The following SCHIP1 variants were observed in gnomAD, a reference collection of about 807,000 sequenced individuals.
The protein encoded by SCHIP1 is schwannomin-interacting protein 1.
Under a neutral mutation model 29.7 loss-of-function variants are expected in SCHIP1, and 8 were observed. The observed-to-expected ratio is 0.27, with a 90% confidence interval of 0.16 to 0.49. The LOEUF (loss-of-function observed/expected upper bound fraction) is 0.49, where lower values mean the gene tolerates loss of function less well. Ranked by LOEUF, SCHIP1 falls within the 20% of genes least tolerant of loss-of-function variation. The pLI is 0.99. For missense variants in SCHIP1, 193 were observed against 294.6 expected (o/e 0.66, Z 2.52); for synonymous variants, 76 against 94.9 (o/e 0.80, Z 1.16).
At chr3:159,868,768 A>G (rs1324469923) in intron 2 of SCHIP1, among the ~76,000 whole-genome samples, 1 of 152,000 alleles carries the variant, frequency 6.6e-6, no homozygotes, top group African/African-American at 2.4e-5. Context: ...ATTCTTGTAT[A>G]TGTCTTCTGC....
At chr3:159,599,923 T>G in the SCHIP1 span, among the ~76,000 whole-genome samples, 1 of 152,348 alleles carries the variant, frequency 6.6e-6, no homozygotes, top group African/African-American at 2.4e-5. Flanking sequence ...ACAAATTTCC[T>G]TAGCATTTTC....
chr3:159,824,947 A>G, the SCHIP1 span, among the ~76,000 whole-genome samples: 1 of 152,136 alleles, frequency 6.6e-6, no homozygotes, highest in Non-Finnish European at 1.5e-5. Context: ...GTAGACAGGC[A>G]AATTTAAAAG....
chr3:159,431,701 C>T, the SCHIP1 span, among the ~76,000 whole-genome samples: 4 of 151,502 alleles, frequency 2.6e-5, no homozygotes, highest in South Asian at 2.1e-4. Flanking sequence ...CCCAGCTACT[C>T]GGGAGGCTGA....
the SCHIP1 span, among the ~76,000 whole-genome samples, chr3:159,292,628 TG>T: frequency 1.1e-4 from 16 of 152,276 alleles, no homozygotes; most frequent in African/African-American, 3.8e-4. Flanking sequence ...CTCATAAGAA[TG>T]TCATGAGGAC....
the SCHIP1 span, among the ~76,000 whole-genome samples, chr3:159,495,911 G>C: frequency 6.6e-6 from 1 of 152,292 alleles, no homozygotes; most frequent in Non-Finnish European, 1.5e-5. Context: ...CAGAGATATA[G>C]ACCAATGGAA....
At chr3:159,735,131 T>A in the SCHIP1 span, among the ~76,000 whole-genome samples, 1 of 152,148 alleles carries the variant, frequency 6.6e-6, no homozygotes, top group Admixed American at 6.5e-5. Context: ...TCTATAAAGG[T>A]GGTCTATTCC....
chr3:159,704,825 C>G, the SCHIP1 span, among the ~76,000 whole-genome samples: 1 of 151,964 alleles, frequency 6.6e-6, no homozygotes, highest in South Asian at 2.1e-4. Context: ...TTCTTTCTTT[C>G]TTTTTCTTTC....
the SCHIP1 span, among the ~76,000 whole-genome samples, chr3:159,542,529 G>A: frequency 3.3e-5 from 5 of 152,094 alleles, no homozygotes; most frequent in South Asian, 2.1e-4. Flanking sequence ...TCACCCTTGC[G>A]GTTTCACATA....
the SCHIP1 span, among the ~76,000 whole-genome samples, chr3:159,544,864 T>G: frequency 6.6e-6 from 1 of 152,148 alleles, no homozygotes; most frequent in African/African-American, 2.4e-5. Context: ...TAGTCAATGC[T>G]TCTATCTTTT....
chr3:159,738,245 T>C, the SCHIP1 span, among the ~76,000 whole-genome samples: 1 of 128,522 alleles, frequency 7.8e-6, no homozygotes, highest in African/African-American at 2.6e-5. Flanking sequence ...ATTTTTTCTT[T>C]AAATTACAAA....
At chr3:159,829,048 T>G in the SCHIP1 span, among the ~76,000 whole-genome samples, 1 of 152,222 alleles carries the variant, frequency 6.6e-6, no homozygotes, top group Admixed American at 6.5e-5. Context: ...GGTCTTTAAA[T>G]GTTGACATAA....
the SCHIP1 span, among the ~76,000 whole-genome samples, chr3:159,759,286 T>G: frequency 3.9e-5 from 6 of 152,224 alleles, no homozygotes; most frequent in Non-Finnish European, 5.9e-5. Flanking sequence ...ACCCATTGGC[T>G]CTACAGAAAT....
At chr3:159,764,802 C>T in the SCHIP1 span, 3 of 1,574,588 alleles carry the variant, frequency 1.9e-6, no homozygotes, top group Non-Finnish European at 2.6e-6. The surrounding 1 kb of genome is among the most constrained non-coding windows in gnomAD (Gnocchi z 6.1). Context: ...GCGCCACCAC[C>T]GCCATGCCGC....
chr3:159,683,693 C>T, the SCHIP1 span, among the ~76,000 whole-genome samples: 1 of 152,258 alleles, frequency 6.6e-6, no homozygotes, highest in South Asian at 2.1e-4. Flanking sequence ...TTTGGAGTTT[C>T]CATAGAGGAC....
At chr3:159,656,345 A>G in the SCHIP1 span, among the ~76,000 whole-genome samples, 1 of 152,136 alleles carries the variant, frequency 6.6e-6, no homozygotes, top group Non-Finnish European at 1.5e-5. Context: ...TTAGTGCAGA[A>G]CTGGTGTTAC....
At chr3:159,425,620 T>A in the SCHIP1 span, among the ~76,000 whole-genome samples, 2 of 152,078 alleles carry the variant, frequency 1.3e-5, no homozygotes, top group Non-Finnish European at 2.9e-5. Context: ...ACTGTCAACA[T>A]TAGACAGATC....
the SCHIP1 span, among the ~76,000 whole-genome samples, chr3:159,626,105 GA>G: frequency 1.8e-5 from 2 of 110,622 alleles, no homozygotes; most frequent in Non-Finnish European, 3.3e-5. Flanking sequence ...TAGATAGATA[GA>G]TAGATAGATA....
the SCHIP1 span, chr3:159,274,461 T>C: frequency 1.3e-6 from 1 of 752,514 alleles, no homozygotes; most frequent in South Asian, 6.1e-5. Flanking sequence ...CAGACAATTT[T>C]ATAAAATTAT....
chr3:159,682,873 A>G, the SCHIP1 span, among the ~76,000 whole-genome samples: 1 of 152,140 alleles, frequency 6.6e-6, no homozygotes, highest in African/African-American at 2.4e-5. Context: ...CTTATTCCTG[A>G]TAAACTTTTA....
Sources: gnomAD v4.1 joint callset for allele counts (sites outside exome capture counted in the v4.1 genomes callset) on GRCh38, gnomAD v4.1.1 for gene constraint, Gnocchi (gnomAD v3.1) non-coding constraint, MANE v1.5 for transcripts, NCBI Gene and HGNC (gene_info 2026-07-23, HGNC 2026-07-21) for gene names.